GREB1L: variants seen among roughly 807,000 people sequenced by gnomAD.
GREB1L encodes GREB1 like retinoic acid receptor coactivator.
GREB1L carries 17 observed loss-of-function variants against 200.8 expected under a neutral mutation model. The ratio of observed to expected loss-of-function variants is 0.08; its 90% CI spans 0.06 to 0.13. The LOEUF is 0.13. GREB1L is among the 10% of genes least tolerant of loss of function. GREB1L has a pLI of 1.00. For synonymous variants in GREB1L, 789 were observed against 893.0 expected, an observed-to-expected ratio of 0.88 and a Z score of 2.08; for missense variants, 1,657 against 2,367.7, an observed-to-expected ratio of 0.70 and a Z score of 6.23.
intron 15 of GREB1L, chr18:21,468,704 C>T (rs1427073326): frequency 2.2e-6 from 1 of 456,500 alleles, no homozygotes; most frequent in African/African-American, 2.0e-5. Flanking sequence ...TCTTTCTCTT[C>T]ATGTCGTTTT....
intron 16 of GREB1L, 45 bp from the exon 17 acceptor site, chr18:21,477,119 A>G (rs1386528562): frequency 3.1e-6 from 4 of 1,275,376 alleles, no homozygotes; most frequent in East Asian, 2.5e-5. Flanking sequence ...TTCTATATCT[A>G]CTTGGTTAAA....
intron 1 of GREB1L, among the ~76,000 whole-genome samples, chr18:21,352,604 T>G (rs1464906424): frequency 2.6e-5 from 4 of 151,822 alleles, no homozygotes; most frequent in Non-Finnish European, 2.9e-5. Flanking sequence ...TGGCTAATTT[T>G]TATATTTTTA....
intron 7 of GREB1L, among the ~76,000 whole-genome samples, chr18:21,411,011 G>GT (rs1266791132): frequency 6.6e-6 from 1 of 152,010 alleles, no homozygotes. Context: ...AATAAGAGAA[G>GT]TATGTCAATA....
At chr18:21,517,931 A>T in intron 30 of GREB1L, 103 bp from the exon 31 acceptor site, 1 of 843,222 alleles carries the variant, frequency 1.2e-6, no homozygotes, top group Non-Finnish European at 1.9e-6. Context: ...TCACTGTGCT[A>T]CTGCTATTAT....
chr18:21,388,533 C>CTTTTTTTTTT (rs768141691), intron 4 of GREB1L, among the ~76,000 whole-genome samples: 1 of 74,650 alleles, frequency 1.3e-5, no homozygotes, highest in Non-Finnish European at 2.3e-5. Flanking sequence ...CCTTAGGTTC[C>CTTTTTTTTTT]TTTTTTTTTT....
chr18:21,449,448 G>GGT (rs779991879), intron 11 of GREB1L, 62 bp from the exon 12 acceptor site: 3 of 962,746 alleles, frequency 3.1e-6, no homozygotes, highest in South Asian at 1.7e-5. Flanking sequence ...AAAGCATATG[G>GGT]GTGTGTGTGT....
intron 4 of GREB1L, 67 bp downstream of exon 4, chr18:21,384,470 T>C: frequency 8.0e-7 from 1 of 1,252,396 alleles, no homozygotes; most frequent in African/African-American, 1.5e-5. Flanking sequence ...TTTCTAATTA[T>C]TACATGAGGT....
At chr18:21,244,851 A>G (rs1216477548) in intron 1 of GREB1L, among the ~76,000 whole-genome samples, 1 of 152,186 alleles carries the variant, frequency 6.6e-6, no homozygotes, top group Non-Finnish European at 1.5e-5. Context: ...CGCAGCCCAC[A>G]GTGTCATTTT....
intron 1 of GREB1L, among the ~76,000 whole-genome samples, chr18:21,287,331 T>TG (rs1460580579): frequency 1.3e-5 from 2 of 152,266 alleles, no homozygotes; most frequent in Middle Eastern, 3.4e-3. Flanking sequence ...AATAACTCCT[T>TG]GGGGAGTAGG....
chr18:21,420,052 A>G (rs75490978), intron 7 of GREB1L, among the ~76,000 whole-genome samples: 3,642 of 152,314 alleles, frequency 0.024, 152 homozygotes, highest in African/African-American at 0.083. Flanking sequence ...CATTAAATTA[A>G]GAACTTCTCC....
At chr18:21,476,057 G>T (rs566701654) in intron 16 of GREB1L, among the ~76,000 whole-genome samples, 1 of 150,632 alleles carries the variant, frequency 6.6e-6, no homozygotes, top group South Asian at 2.1e-4. Context: ...TCTGGTAGGG[G>T]GCATCTTTGC....
At position 21,439,592 on chromosome 18, in the gene GREB1L, A is replaced by T; in HGVS notation, c.904A>T (p.Asn302Tyr). 6.4e-7 allele frequency: 1 copy of T among 1,551,964 alleles called. No individual in the cohort carries two copies. Among genetic ancestry groups the T allele is most frequent in the Non-Finnish European group, 8.7e-7 (1 of 1,146,788 alleles). The change falls in exon 8 of 33, where the codon AAT (asparagine) becomes TAT (tyrosine). Residue 302 changes from asparagine to tyrosine, a missense_variant. Around this residue, in one of 9 missense-constraint regions of GREB1L, gnomAD observed 289 missense variants for 345.1 expected, o/e 0.84. Transcript: ENST00000424526. ...ASSSTPAHTG[N>Y]YSLSPRPSYA... ...CAGCTCCACTCCAGCCCACACAGGG[A>T]ATTACTCTTTGTCACCACGACCTAG... is the stretch of plus-strand genomic sequence containing the variant.
chr18:21,336,400 T>G (rs1423863694), intron 1 of GREB1L, among the ~76,000 whole-genome samples: 1 of 152,212 alleles, frequency 6.6e-6, no homozygotes, highest in African/African-American at 2.4e-5. Context: ...TGAAGTGACC[T>G]GCGTAGCTGC....
chr18:21,495,726 C>T lies in GREB1L; in HGVS notation c.3087C>T (p.Asp1029=), dbSNP rs1267198149. The T allele has an allele frequency of 7.1e-6, 11 of 1,547,674 alleles. No individual in the cohort carries two copies. The highest frequency in any genetic ancestry group is 1.7e-4 in the Middle Eastern group (1 of 6,000). ...EWIPRTYQDL[D]GLPCIVILTG... is the part of the protein sequence containing the mutation. ...TCCCTCGGACATACCAAGATTTAGA[C>T]GGTCTACCTTGTATTGTGATATTAA... The change falls in exon 20 of 33, where the codon GAC becomes GAT. Residue 1029 remains aspartate (D), a synonymous_variant. Transcript: ENST00000424526.
intron 7 of GREB1L, among the ~76,000 whole-genome samples, chr18:21,421,537 ATAGT>A (rs1258990216): frequency 1.3e-5 from 2 of 152,200 alleles, no homozygotes; most frequent in East Asian, 3.8e-4. Context: ...GAAGCAAATT[ATAGT>A]CTACATTTTG....
chr18:21,355,856 A>G (rs2039494863), intron 1 of GREB1L, among the ~76,000 whole-genome samples: 1 of 152,108 alleles, frequency 6.6e-6, no homozygotes, highest in African/African-American at 2.4e-5. Flanking sequence ...CTTGTCTTAA[A>G]TTATCTTCCT....
intron 1 of GREB1L, among the ~76,000 whole-genome samples, chr18:21,284,802 A>G (rs2038327148): frequency 6.6e-6 from 1 of 152,156 alleles, no homozygotes; most frequent in Non-Finnish European, 1.5e-5. Flanking sequence ...TTGCCAAGGT[A>G]TGAGGTTTGT....
At chr18:21,335,092 C>A (rs1391964622) in intron 1 of GREB1L, among the ~76,000 whole-genome samples, 1 of 152,172 alleles carries the variant, frequency 6.6e-6, no homozygotes, top group East Asian at 1.9e-4. Flanking sequence ...AAAAGTGGGT[C>A]ATTTGTACCT....
intron 1 of GREB1L, among the ~76,000 whole-genome samples, chr18:21,358,001 G>A (rs1008234188): frequency 1.3e-5 from 2 of 152,132 alleles, no homozygotes; most frequent in African/African-American, 4.8e-5. Flanking sequence ...TGAGAAAAAT[G>A]TGTTGGAATT....
Sources: allele counts gnomAD v4.1 joint callset (sites outside exome capture counted in the v4.1 genomes callset), GRCh38; gene constraint gnomAD v4.1.1; regional missense constraint gnomAD v4.1.1; transcripts MANE v1.5; gene names NCBI Gene and HGNC (gene_info 2026-07-23, HGNC 2026-07-21).